KIAA1328: variants seen among roughly 807,000 people sequenced by gnomAD.
KIAA1328 encodes the protein protein hinderin.
KIAA1328 carries 52 observed loss-of-function variants against 68.1 expected under a neutral mutation model. The observed-to-expected ratio is 0.76, with a 90% CI of 0.61 to 0.96. KIAA1328 has a LOEUF of 0.96. Among genes scored for constraint, KIAA1328 ranks in the 40% least tolerant of loss-of-function variants. The probability of loss-of-function intolerance (pLI) is 0.00; values close to 1 mark genes in which losing one functional copy is unlikely to be tolerated. For missense variants in KIAA1328, 641 were observed against 677.6 expected (o/e 0.95, Z 0.60); for synonymous variants, 232 against 239.4 (o/e 0.97, Z 0.28).
chr18:37,094,214 A>G (rs2057341749), intron 7 of KIAA1328, among the ~76,000 whole-genome samples: 1 of 152,148 alleles, frequency 6.6e-6, no homozygotes, highest in Non-Finnish European at 1.5e-5. Context: ...TCAGGCAGTA[A>G]TGCTCGCTTG....
chr18:36,836,625 G>A (rs1020158525), intron 3 of KIAA1328, among the ~76,000 whole-genome samples: 2 of 151,644 alleles, frequency 1.3e-5, no homozygotes, highest in Admixed American at 1.3e-4. Context: ...TTTTCAAATT[G>A]AGATATAATT....
At chr18:36,888,828 C>T (rs1202917947) in intron 5 of KIAA1328, among the ~76,000 whole-genome samples, 1 of 152,090 alleles carries the variant, frequency 6.6e-6, no homozygotes, top group African/African-American at 2.4e-5. Context: ...ATTTACCTAT[C>T]ATACATGAAT....
rs183945623 is a variant in KIAA1328, at chr18:37,060,222, A to G, written c.577-6668A>G. Among the ~76,000 whole-genome samples the G allele has an allele frequency of 3.6e-4, 55 of 152,284 alleles. 1 individual carries two copies. In the East Asian group the frequency reaches 9.6e-3, roughly 27 times the overall value. On this transcript the variant is annotated intron_variant, in intron 6 of 9. Coordinates refer to ENST00000280020, the MANE Select transcript of KIAA1328 (RefSeq NM_020776.3). ...GTTCTTGGAAAATGTAGGGCATTCA[A>G]TGGTCAGTGAAGGTGACTGTTTAGA...
intron 8 of KIAA1328, among the ~76,000 whole-genome samples, chr18:37,167,692 T>A (rs72896183): frequency 6.6e-6 from 1 of 151,914 alleles, no homozygotes; most frequent in Admixed American, 6.6e-5. Context: ...TTCTGTCCCT[T>A]CCTGCTAGGG....
intron 6 of KIAA1328, among the ~76,000 whole-genome samples, chr18:36,960,622 C>T (rs1344983397): frequency 1.3e-5 from 2 of 152,134 alleles, no homozygotes; most frequent in Non-Finnish European, 2.9e-5. Flanking sequence ...AAGGATCAGG[C>T]ACCAATATTT....
intron 7 of KIAA1328, chr18:37,075,438 A>C (rs1234150741): frequency 2.6e-5 from 4 of 152,224 alleles, no homozygotes; most frequent in Admixed American, 6.5e-5. Flanking sequence ...CGAGCAAAAT[A>C]ACCAGCTAAC....
At chr18:36,979,384 A>T (rs545354803) in intron 6 of KIAA1328, among the ~76,000 whole-genome samples, 1 of 152,118 alleles carries the variant, frequency 6.6e-6, no homozygotes, top group Admixed American at 6.5e-5. Flanking sequence ...ATCAATGTCA[A>T]CTCATACTTC....
chr18:36,941,525 G>A (rs1422578730), intron 5 of KIAA1328, among the ~76,000 whole-genome samples: 1 of 152,112 alleles, frequency 6.6e-6, no homozygotes, highest in Non-Finnish European at 1.5e-5. Flanking sequence ...AACCCAGGAG[G>A]CGGAGGTTGC....
At chr18:37,172,561 A>T (rs1427779677) in intron 8 of KIAA1328, among the ~76,000 whole-genome samples, 1 of 152,212 alleles carries the variant, frequency 6.6e-6, no homozygotes, top group African/African-American at 2.4e-5. Context: ...AGACTTATAT[A>T]TATCTTGAAA....
At position 37,121,565 on chromosome 18, in the gene KIAA1328, CAT is replaced by C. The variant is rs796632914; in HGVS notation, c.1233-38633_1233-38632del. On this transcript the variant is annotated intron_variant, in intron 7 of 9. Transcript: ENST00000280020. ...TCACGATGTGACTGTATATCACAAA[CAT>C]AGATTTGAGGTATAGGATCATGTCC... 1.0e-3 allele frequency among the ~76,000 whole-genome samples: 156 copies of C among 152,110 alleles called. 2 individuals are homozygous for C. The highest frequency in any genetic ancestry group is 3.7e-3 in the African/African-American group (154 of 41,512).
chr18:37,043,787 G>C (rs962216134), intron 6 of KIAA1328, among the ~76,000 whole-genome samples: 2 of 152,120 alleles, frequency 1.3e-5, no homozygotes, highest in African/African-American at 4.8e-5. Flanking sequence ...ACAGACTTGA[G>C]CATGTATTCC....
rs532228595 is a variant in KIAA1328, at chr18:37,209,300, T to G, written c.1524-12717T>G. 3.9e-5 allele frequency among the ~76,000 whole-genome samples: 6 copies of G among 152,278 alleles called. No individual in the cohort carries two copies. The South Asian group carries it at 1.2e-3, about 32-fold the overall frequency. On this transcript the variant is annotated intron_variant, in intron 9 of 9. Coordinates refer to ENST00000280020, the MANE Select transcript of KIAA1328 (RefSeq NM_020776.3). ...AGCCTTAAGCCGTAAGACCTGTGTT[T>G]TTTGTTTGTTTGTTTGTTTGTTTTT...
intron 7 of KIAA1328, among the ~76,000 whole-genome samples, chr18:37,094,007 A>G (rs1035674865): frequency 4.6e-5 from 7 of 152,370 alleles, no homozygotes; most frequent in Non-Finnish European, 7.3e-5. Flanking sequence ...AAATGGTTTC[A>G]TGGAAGACAG....
At chr18:36,944,601 G>C (rs2050832859) in intron 5 of KIAA1328, among the ~76,000 whole-genome samples, 2 of 152,086 alleles carry the variant, frequency 1.3e-5, no homozygotes, top group African/African-American at 4.8e-5. Flanking sequence ...CAAGGTCATG[G>C]GGAAGTAGCA....
chr18:37,040,530 G>A (rs77293544), intron 6 of KIAA1328, among the ~76,000 whole-genome samples: 86 of 151,810 alleles, frequency 5.7e-4, no homozygotes, highest in African/African-American at 2.0e-3. Context: ...ACTAACTTTG[G>A]ATTTCATTGA....
chr18:37,116,708 A>G (rs2058119303), intron 7 of KIAA1328, among the ~76,000 whole-genome samples: 1 of 152,216 alleles, frequency 6.6e-6, no homozygotes, highest in Non-Finnish European at 1.5e-5. Flanking sequence ...AGAAACTACC[A>G]TCAGAGTGAA....
At chr18:37,125,367 G>C (rs972504817) in intron 7 of KIAA1328, among the ~76,000 whole-genome samples, 2 of 152,136 alleles carry the variant, frequency 1.3e-5, no homozygotes, top group Admixed American at 6.5e-5. Flanking sequence ...ACAGTGTTTA[G>C]AGGGAATCTT....
intron 5 of KIAA1328, among the ~76,000 whole-genome samples, chr18:36,899,454 A>G (rs930108797): frequency 2.0e-5 from 3 of 152,012 alleles, no homozygotes; most frequent in African/African-American, 7.2e-5. Context: ...GTTAGTGCTG[A>G]ATCTGCATAA....
chr18:37,119,432 A>G (rs1316618475), intron 7 of KIAA1328, among the ~76,000 whole-genome samples: 3 of 152,174 alleles, frequency 2.0e-5, no homozygotes, highest in Non-Finnish European at 4.4e-5. Flanking sequence ...GCAGGTTGGA[A>G]GTACAAGATC....
Sources: gnomAD v4.1 joint callset for allele counts (sites outside exome capture counted in the v4.1 genomes callset) on GRCh38, gnomAD v4.1.1 for gene constraint, MANE v1.5 for transcripts, NCBI Gene and HGNC (gene_info 2026-07-23, HGNC 2026-07-21) for gene names.